ARHGAP25: variants seen among roughly 807,000 people sequenced by gnomAD.
ARHGAP25 encodes the protein Rho GTPase activating protein 25.
Under a neutral mutation model 71.0 loss-of-function variants are expected in ARHGAP25, and 34 were observed. The observed-to-expected ratio is 0.48, with a 90% CI of 0.36 to 0.64. The LOEUF is 0.64. Among genes scored for constraint, ARHGAP25 ranks in the 30% least tolerant of loss-of-function variants. The pLI, the probability that ARHGAP25 is intolerant of heterozygous loss-of-function variation, is 0.00. For missense variants in ARHGAP25, 706 were observed against 805.1 expected, an observed-to-expected ratio of 0.88 and a Z score of 1.49; for synonymous variants, 282 against 296.5, an observed-to-expected ratio of 0.95 and a Z score of 0.50.
rs560864349 is a variant in ARHGAP25 at position 68,724,686 on chromosome 2, G to A, written c.-18+13988G>A. Among the ~76,000 whole-genome samples the A allele has an allele frequency of 1.3e-3, 192 of 152,232 alleles. 1 individual carries two copies. Among genetic ancestry groups the A allele is most frequent in the Non-Finnish European group, 1.1e-3 (74 of 68,028 alleles). On this transcript the variant is annotated intron_variant and NMD_transcript_variant, in intron 2 of 7. Coordinates refer to the ARHGAP25 transcript ENST00000463483. ...GGCAGTAGGATCTCCATTTGGAGAT[G>A]TTTACTGGGCATCTTTGGCCTAATG...
At chr2:68,731,262 G>A (rs1675014770), upstream of ARHGAP25, among the ~76,000 whole-genome samples, 1 of 151,902 alleles carries the variant, frequency 6.6e-6, no homozygotes, top group Non-Finnish European at 1.5e-5. Context: ...CACTGTTTTT[G>A]TGCGTGCCCC....
chr2:68,752,458 T>C (rs566085673), intron 1 of ARHGAP25, among the ~76,000 whole-genome samples: 1 of 152,324 alleles, frequency 6.6e-6, no homozygotes, highest in Non-Finnish European at 1.5e-5. Flanking sequence ...TGTTATCTCA[T>C]AGATAAATGT....
intron 4 of ARHGAP25, among the ~76,000 whole-genome samples, chr2:68,791,971 G>A (rs1679206717): frequency 6.6e-6 from 1 of 152,076 alleles, no homozygotes; most frequent in Admixed American, 6.6e-5. Flanking sequence ...CTCATTCTCA[G>A]CTTACTCCTG....
At chr2:68,806,579 A>G (rs137975645) in intron 4 of ARHGAP25, among the ~76,000 whole-genome samples, 1 of 152,236 alleles carries the variant, frequency 6.6e-6, no homozygotes, top group African/African-American at 2.4e-5. Context: ...CAAGTAGTGT[A>G]TATAACGTGG....
At chr2:68,744,902 C>CCCAG (rs1322497781) in intron 1 of ARHGAP25, among the ~76,000 whole-genome samples, 2 of 152,180 alleles carry the variant, frequency 1.3e-5, no homozygotes, top group African/African-American at 4.8e-5. Flanking sequence ...GCCTGAAATG[C>CCCAG]CCAGCATGGT....
At chr2:68,730,368 G>C (rs1416114443), upstream of ARHGAP25, among the ~76,000 whole-genome samples, 1 of 152,164 alleles carries the variant, frequency 6.6e-6, no homozygotes, top group Non-Finnish European at 1.5e-5. Flanking sequence ...CTCCAGGCTG[G>C]ACACAGTGGC....
rs543805277 is a variant in ARHGAP25, at chr2:68,822,710, C to G, written c.1571C>G (p.Ala524Gly). ...GEEASALSSQ[A>G]CDSKGDTLAS... ...GAAGCCAGTGCACTCTCTTCCCAAG[C>G]CTGTGACTCCAAGGGAGATACTCTT... Residue 524 changes from alanine to glycine, a missense_variant, in exon 10 of 11, where the codon GCC becomes GGC. Transcript: ENST00000409202. 1 of 1,614,162 alleles carries G rather than the reference C, an allele frequency of 6.2e-7. No homozygotes were observed.
chr2:68,800,068 T>G (rs1679858394), intron 4 of ARHGAP25, among the ~76,000 whole-genome samples: 1 of 152,092 alleles, frequency 6.6e-6, no homozygotes, highest in Non-Finnish European at 1.5e-5. Context: ...ATTTTGTAGT[T>G]CACTTCTTCC....
Position 68,825,983 on chromosome 2 carries a change from G to C in ARHGAP25, c.1734-4G>C. ...CTTTCATTCTTTTCTTTCCTTCCTT[G>C]TAGCCTTGAGAAGGAAAATTATGAC... On this transcript the variant is annotated splice_polypyrimidine_tract_variant and splice_region_variant and intron_variant, in intron 10 of 10. Coordinates refer to ENST00000409202, the MANE Select transcript of ARHGAP25 (RefSeq NM_001007231.3). 6.2e-7 allele frequency: 1 copy of C among 1,607,662 alleles called. No individual in the cohort carries two copies. Among genetic ancestry groups the C allele is most frequent in the Non-Finnish European group, 8.5e-7 (1 of 1,176,174 alleles).
upstream of ARHGAP25, among the ~76,000 whole-genome samples, chr2:68,730,018 A>C (rs1674978470): frequency 6.6e-6 from 1 of 152,248 alleles, no homozygotes; most frequent in Admixed American, 6.5e-5. Flanking sequence ...TGCTCTCATC[A>C]TATAATTAAA....
chr2:68,801,984 C>T (rs536472650), intron 4 of ARHGAP25, among the ~76,000 whole-genome samples: 1 of 152,182 alleles, frequency 6.6e-6, no homozygotes, highest in Non-Finnish European at 1.5e-5. Flanking sequence ...AAATGCTCAG[C>T]CTACATTTGT....
intron 4 of ARHGAP25, among the ~76,000 whole-genome samples, chr2:68,805,940 G>A (rs908731065): frequency 4.6e-5 from 7 of 152,212 alleles, no homozygotes; most frequent in Non-Finnish European, 8.8e-5. Context: ...CCAGGGTATG[G>A]AAGCCTGGTG....
upstream of ARHGAP25, among the ~76,000 whole-genome samples, chr2:68,730,442 G>C (rs1395479006): frequency 6.6e-6 from 1 of 152,092 alleles, no homozygotes; most frequent in Non-Finnish European, 1.5e-5. Flanking sequence ...CCAGGAGCTT[G>C]AGACCAGCCT....
chr2:68,811,765 A>G (rs1282713767), intron 5 of ARHGAP25, among the ~76,000 whole-genome samples: 1 of 152,072 alleles, frequency 6.6e-6, no homozygotes, highest in Non-Finnish European at 1.5e-5. Context: ...GTTGCCTCAC[A>G]TGCCTCCCTT....
At chr2:68,761,414 C>T (rs11903288) in intron 1 of ARHGAP25, among the ~76,000 whole-genome samples, 13,704 of 151,764 alleles carry the variant, frequency 0.09, 714 homozygotes, top group Non-Finnish European at 0.11. Flanking sequence ...TAAAAAATTA[C>T]GTATCAAAAG....
intron 9 of ARHGAP25, among the ~76,000 whole-genome samples, chr2:68,820,125 A>G (rs867969279): frequency 6.6e-6 from 1 of 152,192 alleles, no homozygotes; most frequent in East Asian, 1.9e-4. Context: ...TCTGAAGGCA[A>G]TGCATTCTAC....
intron 10 of ARHGAP25, among the ~76,000 whole-genome samples, chr2:68,824,789 T>A (rs773152805): frequency 1.3e-5 from 2 of 151,870 alleles, no homozygotes; most frequent in Non-Finnish European, 2.9e-5. Flanking sequence ...TCAATTTAGC[T>A]TTAAGAAGAG....
At chr2:68,808,827 A>G (rs1158066091) in intron 5 of ARHGAP25, among the ~76,000 whole-genome samples, 3 of 152,270 alleles carry the variant, frequency 2.0e-5, no homozygotes, top group African/African-American at 7.2e-5. Context: ...GGATATGCCA[A>G]ATAACTGCCT....
Position 68,826,009 on chromosome 2 carries a change from G to C in ARHGAP25, c.1756G>C (p.Val586Leu), listed in dbSNP as rs137856874. ...IKNLEKENYD[V>L]WAKVVRLNEE... Reference sequence around the variant, plus strand: ...TAGCCTTGAGAAGGAAAATTATGACGTTTGGGCTAAAGTGGTGAGGCTCAA... The same window carrying C: ...TAGCCTTGAGAAGGAAAATTATGACCTTTGGGCTAAAGTGGTGAGGCTCAA... The change falls in exon 11 of 11, where the codon GTT becomes CTT. Residue 586 changes from valine to leucine, a missense_variant. Physicochemically the swap from Val to Leu is conservative, Grantham distance 32 (BLOSUM62 1). Coordinates refer to ENST00000409202, the MANE Select transcript of ARHGAP25 (RefSeq NM_001007231.3). 2 of 1,613,334 alleles carry C rather than the reference G, an allele frequency of 1.2e-6. No individual in the cohort carries two copies. The highest frequency in any genetic ancestry group is 8.5e-7 in the Non-Finnish European group (1 of 1,179,824).
Sources: allele counts gnomAD v4.1 joint callset (sites outside exome capture counted in the v4.1 genomes callset), GRCh38; gene constraint gnomAD v4.1.1; transcripts MANE v1.5; gene names NCBI Gene and HGNC (gene_info 2026-07-23, HGNC 2026-07-21).